The following VOPP1 variants were observed in gnomAD, a reference collection of about 807,000 sequenced individuals.
VOPP1 encodes VOPP1 WW domain binding protein.
Under a neutral mutation model 23.5 loss-of-function variants are expected in VOPP1, and 8 were observed. The ratio of observed to expected loss-of-function variants is 0.34; its 90% CI spans 0.20 to 0.61. The LOEUF is 0.61. Ranked by LOEUF, VOPP1 falls within the 20% of genes least tolerant of loss-of-function variation. The pLI, the probability that VOPP1 is intolerant of heterozygous loss-of-function variation, is 0.78. For synonymous variants in VOPP1, 83 were observed against 97.3 expected, an observed-to-expected ratio of 0.85 and a Z score of 0.86; for missense variants, 174 against 238.1, an observed-to-expected ratio of 0.73 and a Z score of 1.77.
At chr7:55,523,735 T>C (rs1330003279) in intron 1 of VOPP1, among the ~76,000 whole-genome samples, 1 of 152,192 alleles carries the variant, frequency 6.6e-6, no homozygotes, top group African/African-American at 2.4e-5. Flanking sequence ...GACCACCCAG[T>C]ACATGGCCCA....
chr7:55,521,038 C>T (rs1025635119), intron 2 of VOPP1, 34 bp downstream of exon 2: 2 of 1,552,488 alleles, frequency 1.3e-6, no homozygotes, highest in African/African-American at 1.4e-5. Context: ...GGTATGGCCA[C>T]AGAATGAAAC....
intron 4 of VOPP1, among the ~76,000 whole-genome samples, chr7:55,449,283 C>A (rs1027166956): frequency 6.6e-6 from 1 of 152,208 alleles, no homozygotes; most frequent in African/African-American, 2.4e-5. Context: ...GCGCTTCTCC[C>A]GGATGGACCG....
At position 55,516,100 on chromosome 7, in the gene VOPP1, T is replaced by G. The variant is rs546782897; in HGVS notation, c.113+4972A>C. On this transcript the variant is annotated intron_variant, in intron 2 of 4. Coordinates refer to ENST00000285279, the MANE Select transcript of VOPP1 (RefSeq NM_030796.5). ...GCTGAGGCCACACAGCCACTTGCTA[T>G]TTTTAAATCACATGTTACTAAGAGC... is the stretch of plus-strand genomic sequence containing the variant. The G allele has an allele frequency of 1.4e-5, 11 of 771,492 alleles. No individual in the cohort carries two copies. The Admixed American group carries it at 6.2e-4, about 44-fold the overall frequency. 47.8% of individuals were successfully genotyped at this position (771,492 alleles called of 1,614,324 possible).
rs545978717 is a variant in VOPP1 at position 55,463,346 on chromosome 7, T to G, written n.418-27172A>C. Among the ~76,000 whole-genome samples the G allele has an allele frequency of 2.6e-4, 40 of 152,364 alleles. 1 individual carries two copies. The South Asian group carries it at 8.1e-3, about 31-fold the overall frequency. Reference sequence around the variant, plus strand: ...CAGAGGCATTCTGTTTCCTTGCTTTTTCATGTTTCTTATATCCTTACACTC... The same window carrying G: ...CAGAGGCATTCTGTTTCCTTGCTTTGTCATGTTTCTTATATCCTTACACTC... On this transcript the variant is annotated intron_variant and non_coding_transcript_variant, in intron 4 of 4. Coordinates refer to the VOPP1 transcript ENST00000462326.
At chr7:55,457,314 G>A (rs186818542) in intron 4 of VOPP1, among the ~76,000 whole-genome samples, 179 of 152,058 alleles carry the variant, frequency 1.2e-3, no homozygotes, top group African/African-American at 3.7e-3. Flanking sequence ...TTTTAATAGC[G>A]AAACAGTATT....
At chr7:55,539,325 A>G (rs1797003380) in intron 1 of VOPP1, among the ~76,000 whole-genome samples, 1 of 152,214 alleles carries the variant, frequency 6.6e-6, no homozygotes, top group Non-Finnish European at 1.5e-5. Context: ...AGCCTGGGCG[A>G]CATGAGCGAA....
intron 1 of VOPP1, among the ~76,000 whole-genome samples, chr7:55,556,767 A>C (rs995313617): frequency 6.6e-6 from 1 of 152,190 alleles, no homozygotes; most frequent in Non-Finnish European, 1.5e-5. Context: ...CATTGACTAA[A>C]GGGAAACCAT....
At chr7:55,463,343 T>A (rs959589594) in intron 4 of VOPP1, among the ~76,000 whole-genome samples, 1 of 152,236 alleles carries the variant, frequency 6.6e-6, no homozygotes, top group African/African-American at 2.4e-5. Flanking sequence ...GTTTCCTTGC[T>A]TTTTCATGTT....
At chr7:55,534,761 C>A (rs1013964254) in intron 1 of VOPP1, among the ~76,000 whole-genome samples, 1 of 152,220 alleles carries the variant, frequency 6.6e-6, no homozygotes, top group Non-Finnish European at 1.5e-5. Context: ...AAGAACCTCA[C>A]ACCAGACATC....
Position 55,516,001 on chromosome 7 carries a change from C to A in VOPP1, c.113+5071G>T, listed in dbSNP as rs1173842863. ...TGGCCCCTGTTTCAGGCCGTGCTGG[C>A]AAAGGAGCTGAGGAAGCGAGGCCCA... is the stretch of plus-strand genomic sequence containing the variant. On this transcript the variant is annotated intron_variant, in intron 2 of 4. Transcript: ENST00000285279. 3 of 985,390 alleles carry A rather than the reference C, an allele frequency of 3.0e-6. No homozygotes were observed. In the Admixed American group the frequency reaches 1.8e-4, roughly 61 times the overall value. 61.0% of individuals were successfully genotyped at this position (985,390 alleles called of 1,614,324 possible).
At chr7:55,512,153 G>A (rs1308464061) in intron 2 of VOPP1, among the ~76,000 whole-genome samples, 1 of 152,208 alleles carries the variant, frequency 6.6e-6, no homozygotes, top group South Asian at 2.1e-4. Context: ...TCAGCTGGGA[G>A]CAGTGGCTCA....
rs541922892 is a variant in VOPP1, at chr7:55,440,403, C to T, written n.418-4229G>A. ...CTGACCTTCACTCTGGGCAAGAGAC[C>T]ATCCGTTTTACTTTTTCTAGCAAAG... On this transcript the variant is annotated intron_variant and non_coding_transcript_variant, in intron 4 of 4. Transcript: ENST00000462326. Among the ~76,000 whole-genome samples the T allele has an allele frequency of 1.9e-4, 29 of 152,308 alleles. No individual in the cohort carries two copies. In the South Asian group the frequency reaches 3.5e-3, roughly 19 times the overall value.
intron 1 of VOPP1, among the ~76,000 whole-genome samples, chr7:55,555,289 C>A (rs1442566625): frequency 6.6e-6 from 1 of 152,178 alleles, no homozygotes; most frequent in Non-Finnish European, 1.5e-5. Context: ...TCCCGACCAC[C>A]CCCCAGCTCA....
At chr7:55,444,208 G>A (rs973681561) in intron 4 of VOPP1, among the ~76,000 whole-genome samples, 3 of 152,160 alleles carry the variant, frequency 2.0e-5, no homozygotes, top group African/African-American at 7.2e-5. Context: ...CATGTCATCA[G>A]CTTAAGTTAG....
intron 1 of VOPP1, among the ~76,000 whole-genome samples, chr7:55,528,580 G>A (rs1796319051): frequency 6.6e-6 from 1 of 152,126 alleles, no homozygotes; most frequent in South Asian, 2.1e-4. Context: ...AGCTACTCGG[G>A]AGGCTGAGGC....
At chr7:55,535,463 G>A (rs1002323365) in intron 1 of VOPP1, among the ~76,000 whole-genome samples, 3 of 152,126 alleles carry the variant, frequency 2.0e-5, no homozygotes, top group Non-Finnish European at 4.4e-5. Flanking sequence ...TGTCCTTCTG[G>A]CCTGGCCGCC....
intron 4 of VOPP1, among the ~76,000 whole-genome samples, chr7:55,481,495 C>T (rs139195572): frequency 6.6e-6 from 1 of 152,350 alleles, no homozygotes; most frequent in Non-Finnish European, 1.5e-5. Flanking sequence ...AAAAGGCCAA[C>T]TGGCCTCAAG....
downstream of VOPP1, among the ~76,000 whole-genome samples, chr7:55,466,852 G>C (rs527774485): frequency 2.0e-5 from 3 of 152,262 alleles, no homozygotes; most frequent in South Asian, 6.2e-4. Context: ...AAATTGGGTA[G>C]TGATGCCAAC....
chr7:55,542,510 G>A (rs187758904), intron 1 of VOPP1, among the ~76,000 whole-genome samples: 159 of 152,238 alleles, frequency 1.0e-3, no homozygotes, highest in Admixed American at 2.7e-3. Flanking sequence ...GAACAGGCAG[G>A]CTGGCATGGT....
Sources: gnomAD v4.1 joint callset for allele counts (sites outside exome capture counted in the v4.1 genomes callset) on GRCh38, gnomAD v4.1.1 for gene constraint, MANE v1.5 for transcripts, NCBI Gene and HGNC (gene_info 2026-07-23, HGNC 2026-07-21) for gene names.